The following MTMR12 variants were observed in gnomAD, a reference collection of about 807,000 sequenced individuals.
MTMR12 encodes myotubularin related protein 12.
Under a neutral mutation model 96.7 loss-of-function variants are expected in MTMR12, and 33 were observed. The ratio of observed to expected loss-of-function variants is 0.34; its 90% confidence interval spans 0.26 to 0.46. MTMR12 has a LOEUF of 0.46. Among genes scored for constraint, MTMR12 ranks in the 20% least tolerant of loss-of-function variants. The probability of loss-of-function intolerance (pLI) is 1.00; values close to 1 mark genes in which losing one functional copy is unlikely to be tolerated. For missense variants in MTMR12, 721 were observed against 896.1 expected (o/e 0.80, Z 2.49); for synonymous variants, 298 against 327.2 (o/e 0.91, Z 0.96).
Position 32,312,482 on chromosome 5 carries a change from T to A in MTMR12, c.81+276A>T, listed in dbSNP as rs1292621762. Among the ~76,000 whole-genome samples the A allele has an allele frequency of 6.6e-6, 1 of 152,124 alleles. No individual in the cohort carries two copies. Among genetic ancestry groups the A allele is most frequent in the Non-Finnish European group, 1.5e-5 (1 of 68,000 alleles). Reference sequence around the variant, plus strand: ...TCCTCTCCAGAATCCCCAGGGGCGTTCCGGGCCGCAATCCCTTCTCGGCTC... The same window carrying A: ...TCCTCTCCAGAATCCCCAGGGGCGTACCGGGCCGCAATCCCTTCTCGGCTC... On this transcript the variant is annotated intron_variant, in intron 1 of 15. Transcript: ENST00000382142. This position sits in a 1 kb window ranked among gnomAD's most constrained non-coding sequence, Gnocchi z 5.0.
At chr5:32,251,784 G>A (rs1272869013) in intron 8 of MTMR12, among the ~76,000 whole-genome samples, 1 of 152,152 alleles carries the variant, frequency 6.6e-6, no homozygotes, top group Non-Finnish European at 1.5e-5. Context: ...GCAATCAAGA[G>A]CCCAGAGACC....
intron 1 of MTMR12, among the ~76,000 whole-genome samples, chr5:32,298,814 G>A (rs948249083): frequency 4.6e-5 from 7 of 152,030 alleles, no homozygotes; most frequent in Admixed American, 1.3e-4. Flanking sequence ...TTAGCTGGGC[G>A]TGGTGGCAGG....
At chr5:32,256,081 G>C (rs1444419095) in intron 7 of MTMR12, 1 of 188,152 alleles carries the variant, frequency 5.3e-6, no homozygotes, top group Non-Finnish European at 1.1e-5. Context: ...ATACCTAAAA[G>C]CATCGAATTC....
At position 32,228,580 on chromosome 5, in the gene MTMR12, CAT is replaced by C. The variant is rs759348451; in HGVS notation, c.*1196_*1197del. 627 of 111,660 alleles carry C rather than the reference CAT, an allele frequency of 5.6e-3. 9 individuals carry two copies. Among genetic ancestry groups the C allele is most frequent in the South Asian group, 0.014 (53 of 3,704 alleles). The allele number at this position is 111,660 out of a possible 1,614,324, so 6.9% of individuals were successfully genotyped here. ...TGATATATATATATCATATATATAT[CAT>C]ATATATGTGATATATATATATATAT... On this transcript the variant is annotated 3_prime_UTR_variant, in exon 16 of 16. Transcript: ENST00000382142.
intron 1 of MTMR12, among the ~76,000 whole-genome samples, chr5:32,285,014 G>A (rs930959838): frequency 4.6e-5 from 7 of 152,290 alleles, no homozygotes; most frequent in East Asian, 3.9e-4. Flanking sequence ...ATCACAGCAC[G>A]TCCAGGTTTT....
chr5:32,311,651 A>G (rs988096507), intron 1 of MTMR12, among the ~76,000 whole-genome samples: 1 of 152,190 alleles, frequency 6.6e-6, no homozygotes, highest in Admixed American at 6.5e-5. Flanking sequence ...ATTAAGAACT[A>G]TTGCTCAAGA....
intron 7 of MTMR12, among the ~76,000 whole-genome samples, chr5:32,261,629 T>A (rs1749361704): frequency 6.6e-6 from 1 of 152,244 alleles, no homozygotes; most frequent in African/African-American, 2.4e-5. Context: ...TCTACCATCA[T>A]CTTCCTCCCT....
chr5:32,259,514 A>G (rs1749274364), intron 7 of MTMR12, among the ~76,000 whole-genome samples: 1 of 152,164 alleles, frequency 6.6e-6, no homozygotes, highest in South Asian at 2.1e-4. Flanking sequence ...CTATTTATTG[A>G]GCTCCTCTTA....
chr5:32,234,104 T>C (rs1748113183), intron 14 of MTMR12, among the ~76,000 whole-genome samples, 170 bp from the exon 15 acceptor site: 1 of 152,174 alleles, frequency 6.6e-6, no homozygotes, highest in Admixed American at 6.5e-5. Flanking sequence ...AAGCTTTTGG[T>C]GTGGGAGGAG....
At chr5:32,304,143 A>G (rs1751260155) in intron 1 of MTMR12, among the ~76,000 whole-genome samples, 1 of 152,098 alleles carries the variant, frequency 6.6e-6, no homozygotes, top group South Asian at 2.1e-4. Flanking sequence ...AACACAGTGA[A>G]ACCCTGTCTC....
chr5:32,297,843 A>G (rs1750986175), intron 1 of MTMR12, among the ~76,000 whole-genome samples: 1 of 152,178 alleles, frequency 6.6e-6, no homozygotes, highest in African/African-American at 2.4e-5. Context: ...GATCTCACCA[A>G]ACAGTTAACT....
intron 2 of MTMR12, among the ~76,000 whole-genome samples, chr5:32,274,783 C>T (rs1383352651): frequency 6.6e-6 from 1 of 152,138 alleles, no homozygotes; most frequent in South Asian, 2.1e-4. Flanking sequence ...CCTTTCAATG[C>T]GTCACCTCTC....
chr5:32,254,380 A>T (rs1749061677), intron 8 of MTMR12, among the ~76,000 whole-genome samples: 1 of 152,170 alleles, frequency 6.6e-6, no homozygotes, highest in Non-Finnish European at 1.5e-5. Flanking sequence ...AACTGTACTG[A>T]TGCTCACTGT....
intron 1 of MTMR12, among the ~76,000 whole-genome samples, chr5:32,277,701 AAAAAAG>A (rs1030344534): frequency 2.6e-5 from 4 of 151,744 alleles, no homozygotes; most frequent in African/African-American, 9.8e-5. Flanking sequence ...TGTCTCAAAA[AAAAAAG>A]AAAAAGAAAG....
intron 1 of MTMR12, among the ~76,000 whole-genome samples, chr5:32,282,183 T>C (rs1308690791): frequency 4.6e-5 from 7 of 151,768 alleles, no homozygotes; most frequent in African/African-American, 1.7e-4. Context: ...GAGATCGAGA[T>C]CATCCTGGCT....
chr5:32,305,903 CA>C (rs911245902), intron 1 of MTMR12, among the ~76,000 whole-genome samples: 1,156 of 111,528 alleles, frequency 0.01, 8 homozygotes, highest in African/African-American at 0.025. Flanking sequence ...AACTCCGTCT[CA>C]AAAAAAAAAA....
intron 12 of MTMR12, 32 bp downstream of exon 12, chr5:32,242,025 G>T: frequency 6.4e-7 from 1 of 1,553,232 alleles, no homozygotes; most frequent in South Asian, 1.1e-5. Context: ...GAAGGAAAAT[G>T]GAAATCATCC....
Position 32,248,760 on chromosome 5 carries a change from A to G in MTMR12, c.896+12T>C, listed in dbSNP as rs1235000440. Reference sequence around the variant, plus strand: ...GAACTGAACAAGAACAAAATGTAGAACTAGTACTGACCCATCTAAGAAGCT... The same window carrying G: ...GAACTGAACAAGAACAAAATGTAGAGCTAGTACTGACCCATCTAAGAAGCT... On this transcript the variant is annotated intron_variant, in intron 9 of 15. Coordinates refer to ENST00000382142, the MANE Select transcript of MTMR12 (RefSeq NM_001040446.3). 1.2e-6 allele frequency: 2 copies of G among 1,602,352 alleles called. No individual in the cohort carries two copies. Among genetic ancestry groups the G allele is most frequent in the South Asian group, 1.1e-5 (1 of 90,862 alleles).
At chr5:32,280,597 A>C (rs1750253709) in intron 1 of MTMR12, among the ~76,000 whole-genome samples, 1 of 152,200 alleles carries the variant, frequency 6.6e-6, no homozygotes, top group South Asian at 2.1e-4. Flanking sequence ...TTTTTTATAC[A>C]GCATAGTACT....
Sources: gnomAD v4.1 joint callset for allele counts (sites outside exome capture counted in the v4.1 genomes callset) on GRCh38, gnomAD v4.1.1 for gene constraint, Gnocchi (gnomAD v3.1) non-coding constraint, MANE v1.5 for transcripts, NCBI Gene and HGNC (gene_info 2026-07-23, HGNC 2026-07-21) for gene names.